The following PHF24 variants were observed in gnomAD, a reference collection of about 807,000 sequenced individuals.
PHF24 encodes Galpha inhibitory interacting protein.
Under a neutral mutation model 42.6 loss-of-function variants are expected in PHF24, and 25 were observed. The ratio of observed to expected loss-of-function variants is 0.59; its 90% confidence interval spans 0.43 to 0.82. The LOEUF (loss-of-function observed/expected upper bound fraction) is 0.82, where lower values mean the gene tolerates loss of function less well. Among genes scored for constraint, PHF24 ranks in the 40% least tolerant of loss-of-function variants. The probability of loss-of-function intolerance (pLI) is 0.00; values close to 1 mark genes in which losing one functional copy is unlikely to be tolerated. For missense variants in PHF24, 470 were observed against 538.1 expected, an observed-to-expected ratio of 0.87 and a Z score of 1.25; for synonymous variants, 185 against 204.8, an observed-to-expected ratio of 0.90 and a Z score of 0.83.
chr9:34,978,793 G>C (rs1457400449), exon 8 of PHF24: 1 of 152,204 alleles, frequency 6.6e-6, no homozygotes, highest in Non-Finnish European at 1.5e-5. Flanking sequence ...AAGGCAACTA[G>C]CCTGGAGAAT....
At chr9:34,738,813 C>T in the PHF24 span, among the ~76,000 whole-genome samples, 1 of 152,182 alleles carries the variant, frequency 6.6e-6, no homozygotes, top group Non-Finnish European at 1.5e-5. Context: ...GCTTCCTGCC[C>T]TTCGGTAAGA....
the PHF24 span, chr9:34,836,036 G>A: frequency 4.8e-6 from 3 of 629,036 alleles, no homozygotes; most frequent in South Asian, 3.0e-5. Context: ...CTTCCCTCTG[G>A]GGGAAGCCAG....
chr9:34,687,040 G>A, the PHF24 span, among the ~76,000 whole-genome samples: 2 of 151,916 alleles, frequency 1.3e-5, no homozygotes, highest in Admixed American at 6.6e-5. Flanking sequence ...CCAGTGCCCA[G>A]GATGGGTTGG....
chr9:34,853,656 G>A, the PHF24 span, among the ~76,000 whole-genome samples: 207 of 151,770 alleles, frequency 1.4e-3, 1 homozygote, highest in African/African-American at 4.8e-3. Flanking sequence ...GTGAAACCCC[G>A]TCTCTACTAA....
the PHF24 span, among the ~76,000 whole-genome samples, chr9:34,906,128 G>A: frequency 6.6e-6 from 1 of 151,998 alleles, no homozygotes; most frequent in Non-Finnish European, 1.5e-5. Flanking sequence ...AGGGTGTTGG[G>A]GCTGTTAGTG....
the PHF24 span, among the ~76,000 whole-genome samples, chr9:34,905,972 T>C: frequency 1.3e-5 from 2 of 152,170 alleles, no homozygotes; most frequent in Non-Finnish European, 2.9e-5. Context: ...TTTCTAGGTA[T>C]AAACGTCTGT....
chr9:34,754,817 G>T, the PHF24 span, among the ~76,000 whole-genome samples: 1 of 152,148 alleles, frequency 6.6e-6, no homozygotes, highest in African/African-American at 2.4e-5. Flanking sequence ...TCCATCAGCA[G>T]ATGACTTGAT....
chr9:34,707,705 C>A, the PHF24 span, among the ~76,000 whole-genome samples: 1 of 151,968 alleles, frequency 6.6e-6, no homozygotes, highest in African/African-American at 2.4e-5. Flanking sequence ...AGGTTCCTAC[C>A]TTTCTTCTTC....
upstream of PHF24, chr9:34,958,219 G>GA (rs1563923967): frequency 2.9e-4 from 42 of 144,902 alleles, no homozygotes; most frequent in African/African-American, 6.0e-4. The surrounding 1 kb of genome is among the most constrained non-coding windows in gnomAD (Gnocchi z 4.5). Context: ...GTGTGCTCCG[G>GA]CCGCGCGCGC....
chr9:34,880,752 A>C, the PHF24 span, among the ~76,000 whole-genome samples: 1 of 152,204 alleles, frequency 6.6e-6, no homozygotes, highest in Admixed American at 6.5e-5. Flanking sequence ...CCACACAATA[A>C]TAATGGGAGG....
chr9:34,761,968 T>C, the PHF24 span, among the ~76,000 whole-genome samples: 1 of 152,048 alleles, frequency 6.6e-6, no homozygotes, highest in Non-Finnish European at 1.5e-5. Flanking sequence ...GTTCTTGCGA[T>C]AGTTTACTGA....
the PHF24 span, among the ~76,000 whole-genome samples, chr9:34,766,604 A>G: frequency 6.6e-6 from 1 of 152,152 alleles, no homozygotes; most frequent in Non-Finnish European, 1.5e-5. Context: ...ACATTCGTCT[A>G]AATTTTTTGC....
chr9:34,802,211 G>T, the PHF24 span, among the ~76,000 whole-genome samples: 1 of 151,888 alleles, frequency 6.6e-6, no homozygotes, highest in Non-Finnish European at 1.5e-5. Context: ...CTCTCCTCTG[G>T]AGACCTTCCC....
the PHF24 span, among the ~76,000 whole-genome samples, chr9:34,847,327 G>A: frequency 4.6e-5 from 7 of 152,176 alleles, no homozygotes; most frequent in African/African-American, 1.7e-4. Flanking sequence ...TCCCTTGTAA[G>A]TTGGATTCCT....
the PHF24 span, among the ~76,000 whole-genome samples, chr9:34,817,511 C>T: frequency 6.6e-6 from 1 of 152,186 alleles, no homozygotes; most frequent in African/African-American, 2.4e-5. Context: ...TCCCAAAGTC[C>T]TGGGGACAAT....
chr9:34,674,683 AG>A, the PHF24 span, among the ~76,000 whole-genome samples: 1 of 152,276 alleles, frequency 6.6e-6, no homozygotes, highest in African/African-American at 2.4e-5. Flanking sequence ...GAACATGAAC[AG>A]GGAGTGCCCT....
the PHF24 span, chr9:34,922,770 A>G: frequency 1.3e-6 from 2 of 1,592,364 alleles, no homozygotes; most frequent in South Asian, 2.2e-5. Flanking sequence ...GGCTCCTACA[A>G]CATTTTTATA....
At chr9:34,701,359 T>C in the PHF24 span, among the ~76,000 whole-genome samples, 1 of 152,052 alleles carries the variant, frequency 6.6e-6, no homozygotes, top group African/African-American at 2.4e-5. This position sits in a 1 kb window ranked among gnomAD's most constrained non-coding sequence, Gnocchi z 5.8. Context: ...TCCCGAACTG[T>C]GTCTGTGGGG....
At chr9:34,946,292 C>G in the PHF24 span, among the ~76,000 whole-genome samples, 4 of 152,186 alleles carry the variant, frequency 2.6e-5, no homozygotes, top group African/African-American at 4.8e-5. Flanking sequence ...AAGACAATAT[C>G]TTGTCTATTT....
Sources: allele counts gnomAD v4.1 joint callset (sites outside exome capture counted in the v4.1 genomes callset), GRCh38; gene constraint gnomAD v4.1.1; non-coding constraint Gnocchi (gnomAD v3.1); transcripts MANE v1.5; gene names NCBI Gene and HGNC (gene_info 2026-07-23, HGNC 2026-07-21).